C5AR1: variants seen among roughly 807,000 people sequenced by gnomAD.
The protein encoded by C5AR1 is complement C5a receptor 1.
C5AR1 carries 4 observed loss-of-function variants against 2.4 expected under a neutral mutation model. That is an observed-to-expected ratio of 1.65 (90% CI 0.81 to 3.77). C5AR1 has a LOEUF of 3.77. Among genes scored for constraint, C5AR1 ranks in the 30% most tolerant of loss-of-function variants. The pLI is 0.01. For synonymous variants in C5AR1, 209 were observed against 210.4 expected (o/e 0.99, Z 0.06); for missense variants, 418 against 462.5 (o/e 0.90, Z 0.88).
rs200095383 is a variant in C5AR1, at chr19:47,319,896, C to T, written c.119C>T (p.Ala40Val). 29 of 1,614,126 alleles carry T rather than the reference C, an allele frequency of 1.8e-5. No individual in the cohort carries two copies. Among genetic ancestry groups the T allele is most frequent in the Non-Finnish European group, 2.4e-5 (28 of 1,180,048 alleles). ...SNTLRVPDIL[A>V]LVIFAVVFLV... ...ACGCTGCGTGTTCCAGACATCCTGG[C>T]CTTGGTCATCTTTGCAGTCGTCTTC... Residue 40 changes from alanine (A) to valine (V), a missense_variant, in exon 2 of 2, where the codon GCC becomes GTC. Transcript: ENST00000355085.
At chr19:47,314,671 T>TA (rs1347447275) in intron 1 of C5AR1, among the ~76,000 whole-genome samples, 1 of 152,052 alleles carries the variant, frequency 6.6e-6, no homozygotes, top group African/African-American at 2.4e-5. Context: ...TTGCTGGAAT[T>TA]ACAGGCGTGA....
At chr19:47,316,223 G>C (rs966304219) in intron 1 of C5AR1, among the ~76,000 whole-genome samples, 2 of 152,118 alleles carry the variant, frequency 1.3e-5, no homozygotes, top group South Asian at 4.2e-4. Context: ...GGCCAGGCTG[G>C]TCTTGATCTT....
intron 1 of C5AR1, among the ~76,000 whole-genome samples, chr19:47,315,593 A>C (rs2059284585): frequency 6.6e-6 from 1 of 152,122 alleles, no homozygotes; most frequent in Non-Finnish European, 1.5e-5. Flanking sequence ...GCCAAAGGGA[A>C]CATTCAAAAT....
intron 1 of C5AR1, chr19:47,316,709 A>C (rs542596984): frequency 6.6e-6 from 1 of 152,254 alleles, no homozygotes; most frequent in South Asian, 2.1e-4. Context: ...TCCTTTTCAT[A>C]GCTGAGTAAT....
intron 1 of C5AR1, among the ~76,000 whole-genome samples, chr19:47,317,004 C>T (rs1427564060): frequency 6.7e-6 from 1 of 150,120 alleles, no homozygotes; most frequent in Non-Finnish European, 1.5e-5. Context: ...AAAGCGAGAC[C>T]CATCTCTACC....
chr19:47,319,248 G>A (rs987528117), intron 1 of C5AR1, among the ~76,000 whole-genome samples: 1 of 151,042 alleles, frequency 6.6e-6, no homozygotes, highest in Non-Finnish European at 1.5e-5. Flanking sequence ...CGCAGGATGG[G>A]ACTGAGGGGA....
In C5AR1 at chr19:47,319,971, A is replaced by C. The variant is rs766830497; in HGVS notation, c.194A>C (p.Glu65Ala). The C allele has an allele frequency of 3.7e-6, 6 of 1,614,172 alleles. No individual in the cohort carries two copies. The South Asian group carries it at 5.5e-5, about 15-fold the overall frequency. The change falls in exon 2 of 2, where the codon GAG becomes GCG. Residue 65 changes from glutamate (E) to alanine (A), a missense_variant. Physicochemically the swap from Glu to Ala is moderately radical, Grantham distance 107. Transcript: ENST00000355085. Reference protein sequence around the residue: ...NALVVWVTAFEAKRTINAIWF... With the variant: ...NALVVWVTAFAAKRTINAIWF... Reference sequence around the variant, plus strand: ...CTGGTGGTCTGGGTGACGGCATTCGAGGCCAAGCGGACCATCAATGCCATC... The same window carrying C: ...CTGGTGGTCTGGGTGACGGCATTCGCGGCCAAGCGGACCATCAATGCCATC...
intron 1 of C5AR1, 107 bp from the exon 2 acceptor site, chr19:47,319,674 T>C: frequency 1.4e-6 from 1 of 712,912 alleles, no homozygotes; most frequent in Non-Finnish European, 2.4e-6. Flanking sequence ...CATTTCCTAG[T>C]GAGAAAAAGC....
chr19:47,320,433 C>T lies in C5AR1; in HGVS notation c.656C>T (p.Thr219Met), dbSNP rs538850534. 18 of 1,611,526 alleles carry T rather than the reference C, an allele frequency of 1.1e-5. No individual in the cohort carries two copies. The highest frequency in any genetic ancestry group is 8.0e-5 in the African/African-American group (6 of 75,048). Residue 219 changes from threonine (T) to methionine (M), a missense_variant, in exon 2 of 2, where the codon ACG becomes ATG. Thr to Met is a moderately conservative substitution (Grantham distance 81). Coordinates refer to ENST00000355085, the MANE Select transcript of C5AR1 (RefSeq NM_001736.4). This position sits in a 1 kb window ranked among gnomAD's most constrained non-coding sequence, Gnocchi z 4.9. ...LGFLWPLLTL[T>M]ICYTFILLRT... ...TTCCTGTGGCCTCTACTCACGCTCACGATTTGTTACACTTTCATCCTGCTC... is the reference window on the plus strand; with the variant it reads ...TTCCTGTGGCCTCTACTCACGCTCATGATTTGTTACACTTTCATCCTGCTC...
chr19:47,320,031 C>T lies in C5AR1; in HGVS notation c.254C>T (p.Ser85Phe), dbSNP rs1344215965. Residue 85 changes from serine to phenylalanine, a missense_variant, in exon 2 of 2, where the codon TCC becomes TTC. By Grantham distance (155) the Ser-to-Phe change is radical. Transcript: ENST00000355085. The surrounding 1 kb of genome is among the most constrained non-coding windows in gnomAD (Gnocchi z 4.9). Reference protein sequence around the residue: ...FLNLAVADFLSCLALPILFTS... With the variant: ...FLNLAVADFLFCLALPILFTS... ...AACTTGGCGGTAGCCGACTTCCTCT[C>T]CTGCCTGGCGCTGCCCATCTTGTTC... The T allele has an allele frequency of 1.2e-6, 2 of 1,614,262 alleles. No individual in the cohort carries two copies. Among genetic ancestry groups the T allele is most frequent in the African/African-American group, 1.3e-5 (1 of 75,076 alleles).
chr19:47,309,933 T>C lies in C5AR1; in HGVS notation c.3+35T>C, dbSNP rs756290197. The C allele has an allele frequency of 1.9e-6, 3 of 1,606,908 alleles. No individual in the cohort carries two copies. In the South Asian group the frequency reaches 3.3e-5, roughly 18 times the overall value. On this transcript the variant is annotated intron_variant, in intron 1 of 1. Transcript: ENST00000355085. ...GAAGGGGAATGGGAGCAGGAAACTT[T>C]GTCCTGGGTCCCTCCCATCTTTGCT... is the stretch of plus-strand genomic sequence containing the variant.
chr19:47,312,764 G>A (rs1439398037), intron 1 of C5AR1, among the ~76,000 whole-genome samples: 1 of 151,906 alleles, frequency 6.6e-6, no homozygotes, highest in African/African-American at 2.4e-5. Context: ...TCTAGACAGG[G>A]TCTACTGAGG....
upstream of C5AR1, chr19:47,307,597 T>G (rs1219924837): frequency 6.6e-6 from 1 of 152,242 alleles, no homozygotes; most frequent in Non-Finnish European, 1.5e-5. Flanking sequence ...TCTGCCCGCC[T>G]CAGCCTCCCA....
intron 1 of C5AR1, 51 bp from the exon 2 acceptor site, chr19:47,319,730 C>A: frequency 3.2e-6 from 4 of 1,233,592 alleles, no homozygotes; most frequent in Non-Finnish European, 4.7e-6. Context: ...GCCCCCTACC[C>A]GGGCACATGT....
At chr19:47,309,251 C>T (rs1229185634), upstream of C5AR1, among the ~76,000 whole-genome samples, 8 of 152,032 alleles carry the variant, frequency 5.3e-5, no homozygotes, top group Non-Finnish European at 1.2e-4. Flanking sequence ...AGCTTTTGCC[C>T]AGAAGGCTGG....
At chr19:47,311,530 A>G (rs923069122) in intron 1 of C5AR1, among the ~76,000 whole-genome samples, 3 of 151,516 alleles carry the variant, frequency 2.0e-5, no homozygotes, top group African/African-American at 7.3e-5. Flanking sequence ...AAAAAAACTC[A>G]TTCTCCCTGC....
At chr19:47,317,457 A>C (rs966554326) in intron 1 of C5AR1, among the ~76,000 whole-genome samples, 2 of 150,754 alleles carry the variant, frequency 1.3e-5, no homozygotes, top group Non-Finnish European at 3.0e-5. Flanking sequence ...GCAGTGAGCC[A>C]AGATCACACC....
intron 1 of C5AR1, among the ~76,000 whole-genome samples, chr19:47,317,211 A>G (rs10404886): frequency 0.97 from 139,071 of 142,884 alleles, 67,755 homozygotes; most frequent in East Asian, 0.99. Context: ...AAAAAAAAAA[A>G]AAATATAAAA....
At chr19:47,317,192 CAAA>C (rs1238972530) in intron 1 of C5AR1, among the ~76,000 whole-genome samples, 8 of 74,110 alleles carry the variant, frequency 1.1e-4, no homozygotes, top group African/African-American at 5.5e-5. Flanking sequence ...GACCCCGTCT[CAAA>C]AAAAAAAAAA....
Sources: allele counts gnomAD v4.1 joint callset (sites outside exome capture counted in the v4.1 genomes callset), GRCh38; gene constraint gnomAD v4.1.1; non-coding constraint Gnocchi (gnomAD v3.1); transcripts MANE v1.5; gene names NCBI Gene and HGNC (gene_info 2026-07-23, HGNC 2026-07-21).